ASIC2: variants seen among roughly 807,000 people sequenced by gnomAD.
ASIC2 encodes acid sensing ion channel subunit 2, also known as acid-sensing ion channel 2.
In ASIC2, 25 loss-of-function variants were observed where a neutral mutation model predicts 57.3. The observed-to-expected ratio is 0.44, with a 90% confidence interval of 0.32 to 0.61. The LOEUF (loss-of-function observed/expected upper bound fraction) is 0.61, where lower values mean the gene tolerates loss of function less well. ASIC2 is among the 20% of genes least tolerant of loss of function. The pLI is 0.06. For missense variants in ASIC2, 641 were observed against 738.1 expected (o/e 0.87, Z 1.52); for synonymous variants, 319 against 307.5 (o/e 1.04, Z -0.39).
At chr17:33,465,376 T>TTC (rs1912829383) in intron 1 of ASIC2, among the ~76,000 whole-genome samples, 1 of 145,930 alleles carries the variant, frequency 6.9e-6, no homozygotes, top group African/African-American at 2.5e-5. Context: ...CTTTTTCTTT[T>TTC]TTTTTTTTTT....
At chr17:33,064,632 C>T (rs1318682843) in intron 3 of ASIC2, among the ~76,000 whole-genome samples, 1 of 152,174 alleles carries the variant, frequency 6.6e-6, no homozygotes, top group African/African-American at 2.4e-5. Context: ...TTAGGCTACT[C>T]GGGGGTCAGG....
chr17:33,122,673 G>A (rs1438902132), intron 1 of ASIC2, among the ~76,000 whole-genome samples: 2 of 151,982 alleles, frequency 1.3e-5, no homozygotes, highest in East Asian at 1.9e-4. Context: ...ATTCTAAATG[G>A]AGAACATTTG....
intron 1 of ASIC2, among the ~76,000 whole-genome samples, chr17:34,042,539 C>A (rs1010104900): frequency 7.9e-5 from 12 of 151,656 alleles, no homozygotes; most frequent in African/African-American, 2.4e-4. Flanking sequence ...CAGTGGAAGG[C>A]TGGAGACAGT....
intron 1 of ASIC2, chr17:34,037,861 CTCTTGTAGGATG>C: frequency 6.2e-7 from 1 of 1,613,968 alleles, no homozygotes; most frequent in South Asian, 1.1e-5. Flanking sequence ...GAATCGTATT[CTCTTGTAGGATG>C]TCTTGCTGAG....
chr17:33,380,105 G>GGT (rs1909425428), intron 1 of ASIC2, among the ~76,000 whole-genome samples: 1 of 151,798 alleles, frequency 6.6e-6, no homozygotes, highest in African/African-American at 2.4e-5. Flanking sequence ...AATTAGCCGG[G>GGT]AGTGCTGGCA....
At chr17:33,919,036 C>T (rs1915650885) in intron 1 of ASIC2, among the ~76,000 whole-genome samples, 1 of 152,170 alleles carries the variant, frequency 6.6e-6, no homozygotes, top group Non-Finnish European at 1.5e-5. Context: ...CCATGATCCC[C>T]ACCTGCCCCA....
chr17:33,273,221 GA>G (rs1320013788), intron 1 of ASIC2, among the ~76,000 whole-genome samples: 11 of 152,228 alleles, frequency 7.2e-5, no homozygotes, highest in Non-Finnish European at 1.5e-4. Flanking sequence ...TAAAAGAGTA[GA>G]AAAAAATAGA....
chr17:33,284,273 C>CT (rs759682615), intron 1 of ASIC2, among the ~76,000 whole-genome samples: 26 of 152,194 alleles, frequency 1.7e-4, no homozygotes, highest in Non-Finnish European at 2.6e-4. Context: ...CAGGCCCGAG[C>CT]TGGAACTCAG....
At chr17:33,400,673 T>C (rs1028379816) in intron 1 of ASIC2, among the ~76,000 whole-genome samples, 5 of 152,154 alleles carry the variant, frequency 3.3e-5, no homozygotes, top group African/African-American at 9.7e-5. Flanking sequence ...AAAAAGATCA[T>C]TTATTACCAT....
chr17:34,053,089 C>T (rs572228634), intron 1 of ASIC2, among the ~76,000 whole-genome samples: 3 of 152,142 alleles, frequency 2.0e-5, no homozygotes, highest in Non-Finnish European at 4.4e-5. Context: ...CATCCTCTGC[C>T]CTTTATTCCA....
At chr17:34,112,990 G>A (rs944807763) in intron 1 of ASIC2, among the ~76,000 whole-genome samples, 1 of 152,100 alleles carries the variant, frequency 6.6e-6, no homozygotes, top group African/African-American at 2.4e-5. Flanking sequence ...AGAGTGGAAG[G>A]CATCAGACAT....
intron 1 of ASIC2, among the ~76,000 whole-genome samples, chr17:33,303,362 T>A (rs1334573286): frequency 6.6e-6 from 1 of 152,194 alleles, no homozygotes; most frequent in Non-Finnish European, 1.5e-5. Flanking sequence ...TTGGGTGTAA[T>A]GTCACCATCG....
At chr17:34,144,256 T>C (rs1912354226) in intron 1 of ASIC2, among the ~76,000 whole-genome samples, 1 of 152,202 alleles carries the variant, frequency 6.6e-6, no homozygotes, top group Non-Finnish European at 1.5e-5. Flanking sequence ...CAGAAAATGT[T>C]AGCCATTATT....
intron 1 of ASIC2, among the ~76,000 whole-genome samples, chr17:34,075,611 T>C (rs1175835219): frequency 6.6e-6 from 1 of 152,028 alleles, no homozygotes; most frequent in Non-Finnish European, 1.5e-5. Flanking sequence ...TGGCACCACA[T>C]GAAGAAGAAG....
At chr17:33,516,838 T>A (rs1335814531) in intron 1 of ASIC2, among the ~76,000 whole-genome samples, 3 of 152,224 alleles carry the variant, frequency 2.0e-5, no homozygotes, top group Non-Finnish European at 1.5e-5. Context: ...TGTGCTCTTA[T>A]TACACTGGGT....
chr17:33,513,423 C>G (rs1275897406), intron 1 of ASIC2, among the ~76,000 whole-genome samples: 4 of 152,200 alleles, frequency 2.6e-5, no homozygotes, highest in Non-Finnish European at 5.9e-5. Context: ...TCATTACTTT[C>G]TAGATAATGC....
At chr17:33,576,899 G>C (rs1394633636) in intron 1 of ASIC2, among the ~76,000 whole-genome samples, 1 of 152,172 alleles carries the variant, frequency 6.6e-6, no homozygotes, top group Non-Finnish European at 1.5e-5. Flanking sequence ...TAAAATGGGA[G>C]TATCAACAGC....
Position 33,291,487 on chromosome 17 carries a change from C to T in ASIC2, c.629G>A (p.Arg210His). The change falls in exon 1 of 10, where the codon CGC (arginine) becomes CAC (histidine). Residue 210 changes from arginine (R) to histidine (H), a missense_variant. By Grantham distance (29) the Arg-to-His change is conservative. This residue lies in a region of ASIC2 where 382 missense variants were observed against 398.0 expected (regional missense o/e 0.96). Transcript: ENST00000225823. ...FEGISAAFMD[R>H]LGHQLEDMLL... is the part of the protein sequence containing the mutation. ...CATGTCCTCCAGCTGGTGGCCCAGGCGGTCCATGAAGGCGGCGCTGATTCC... is the reference window on the plus strand; with the variant it reads ...CATGTCCTCCAGCTGGTGGCCCAGGTGGTCCATGAAGGCGGCGCTGATTCC... 1 of 1,612,576 alleles carries T rather than the reference C, an allele frequency of 6.2e-7. No homozygotes were observed. Among genetic ancestry groups the T allele is most frequent in the Non-Finnish European group, 8.5e-7 (1 of 1,179,732 alleles).
chr17:33,970,884 C>A (rs1281222012), intron 1 of ASIC2, among the ~76,000 whole-genome samples: 1 of 152,162 alleles, frequency 6.6e-6, no homozygotes, highest in African/African-American at 2.4e-5. Context: ...ATGCTCAGAA[C>A]AAACCCAGGT....
Sources: allele counts gnomAD v4.1 joint callset (sites outside exome capture counted in the v4.1 genomes callset), GRCh38; gene constraint gnomAD v4.1.1; regional missense constraint gnomAD v4.1.1; transcripts MANE v1.5; gene names NCBI Gene and HGNC (gene_info 2026-07-23, HGNC 2026-07-21).